The following COL14A1 variants were observed in gnomAD, a reference collection of about 807,000 sequenced individuals.
COL14A1 encodes the protein collagen alpha-1(XIV) chain.
In COL14A1, 136 loss-of-function variants were observed where a neutral mutation model predicts 230.3. The observed-to-expected ratio is 0.59, with a 90% CI of 0.51 to 0.68. COL14A1 has a LOEUF of 0.68. Ranked by LOEUF, COL14A1 falls within the 30% of genes least tolerant of loss-of-function variation. COL14A1 has a pLI of 0.00. For missense variants in COL14A1, 1,976 were observed against 2,215.8 expected, an observed-to-expected ratio of 0.89 and a Z score of 2.17; for synonymous variants, 792 against 784.1, an observed-to-expected ratio of 1.01 and a Z score of -0.17.
At chr8:120,197,983 G>A (rs2130714003) in intron 7 of COL14A1, 53 bp downstream of exon 7, 1 of 1,570,210 alleles carries the variant, frequency 6.4e-7, no homozygotes, top group Non-Finnish European at 8.7e-7. Flanking sequence ...AAGAATAATT[G>A]TATTACCTCA....
intron 5 of COL14A1, among the ~76,000 whole-genome samples, chr8:120,178,447 GT>G (rs1354085240): frequency 6.6e-6 from 1 of 152,166 alleles, no homozygotes; most frequent in Non-Finnish European, 1.5e-5. Context: ...TGGTGTATAT[GT>G]GCCACATTTT....
At chr8:120,201,840 G>T in intron 8 of COL14A1, among the ~76,000 whole-genome samples, 1 of 152,140 alleles carries the variant, frequency 6.6e-6, no homozygotes, top group Non-Finnish European at 1.5e-5. Flanking sequence ...CTCCAAAGTC[G>T]TGATGACCAT....
chr8:120,166,164 A>G (rs1036301694), intron 4 of COL14A1, among the ~76,000 whole-genome samples: 1 of 152,202 alleles, frequency 6.6e-6, no homozygotes, highest in Non-Finnish European at 1.5e-5. Flanking sequence ...AGAGACTGGC[A>G]GAAACTCCTC....
chr8:120,349,415 G>T (rs1338278453), intron 45 of COL14A1, among the ~76,000 whole-genome samples: 2 of 149,044 alleles, frequency 1.3e-5, no homozygotes, highest in African/African-American at 5.0e-5. Flanking sequence ...AGAGAAGAAG[G>T]CTTCAGACGA....
chr8:120,208,973 C>T (rs760390887), intron 11 of COL14A1, among the ~76,000 whole-genome samples: 4 of 152,080 alleles, frequency 2.6e-5, no homozygotes, highest in South Asian at 2.1e-4. Context: ...AGTCACTATG[C>T]AAAATTGCTC....
rs530546480 is a variant in COL14A1 at position 120,168,407 on chromosome 8, A to G, written c.436+160A>G. Among the ~76,000 whole-genome samples, 4 of 152,174 alleles carry G rather than the reference A, an allele frequency of 2.6e-5. No homozygotes were observed. The East Asian group carries it at 7.7e-4, about 29-fold the overall frequency. Reference sequence around the variant, plus strand: ...ACTCTTCCTTCCTTTCCCACACAAGATGACCCCCAACCACTTGGCACGTGA... The same window carrying G: ...ACTCTTCCTTCCTTTCCCACACAAGGTGACCCCCAACCACTTGGCACGTGA... On this transcript the variant is annotated intron_variant, in intron 5 of 47. Transcript: ENST00000297848.
At position 120,278,576 on chromosome 8, in the gene COL14A1, A is replaced by G. The variant is rs202010522; in HGVS notation, c.3479A>G (p.Asp1160Gly). ...VNKISREMQL[D>G]GYSIFAIGVA... ...AAAATCTCCAGGGAGATGCAATTAGATGGTAAGATATATAAACAATAGTGG... is the reference window on the plus strand; with the variant it reads ...AAAATCTCCAGGGAGATGCAATTAGGTGGTAAGATATATAAACAATAGTGG... Residue 1160 changes from aspartate (D) to glycine (G), a missense_variant and splice_region_variant, in exon 28 of 48, where the codon GAT (aspartate) becomes GGT (glycine). This residue lies in a region of COL14A1 where 1,791 missense variants were observed against 2,019.5 expected (regional missense o/e 0.89). Transcript: ENST00000297848. 5.3e-5 allele frequency: 86 copies of G among 1,611,620 alleles called. No individual in the cohort carries two copies. Among genetic ancestry groups the G allele is most frequent in the Middle Eastern group, 1.7e-4 (1 of 6,056 alleles).
At chr8:120,315,733 T>C in intron 39 of COL14A1, 147 bp downstream of exon 39, 1 of 798,170 alleles carries the variant, frequency 1.3e-6, no homozygotes, top group Admixed American at 2.5e-5. Flanking sequence ...CCTAAGCCCC[T>C]TTTGAGAGTC....
chr8:120,260,441 C>T (rs553700457), intron 23 of COL14A1, among the ~76,000 whole-genome samples: 1 of 152,204 alleles, frequency 6.6e-6, no homozygotes, highest in South Asian at 2.1e-4. Flanking sequence ...ATTGTAGATT[C>T]TGTTTATTCT....
At chr8:120,163,585 G>A (rs1815765503) in intron 4 of COL14A1, among the ~76,000 whole-genome samples, 1 of 152,092 alleles carries the variant, frequency 6.6e-6, no homozygotes, top group South Asian at 2.1e-4. Context: ...CCAACATGGA[G>A]AAACCCTGTC....
At chr8:120,320,291 C>T (rs1349047897) in intron 40 of COL14A1, among the ~76,000 whole-genome samples, 8 of 152,172 alleles carry the variant, frequency 5.3e-5, no homozygotes, top group Non-Finnish European at 4.4e-5. Flanking sequence ...CAAGCCTGGA[C>T]ATTTATAATA....
intron 1 of COL14A1, among the ~76,000 whole-genome samples, chr8:120,131,700 A>C (rs1341974707): frequency 6.6e-6 from 1 of 152,000 alleles, no homozygotes; most frequent in Non-Finnish European, 1.5e-5. Context: ...GCTATTCAGA[A>C]GCTCTTTAGT....
chr8:120,224,543 ATCTCCATTCCT>A (rs533899484), intron 14 of COL14A1, among the ~76,000 whole-genome samples: 13 of 152,198 alleles, frequency 8.5e-5, no homozygotes, highest in African/African-American at 2.4e-4. Context: ...TACACCCTTG[ATCTCCATTCCT>A]TGGGATTTCA....
intron 40 of COL14A1, among the ~76,000 whole-genome samples, chr8:120,319,066 T>C (rs1821341327): frequency 6.6e-6 from 1 of 152,186 alleles, no homozygotes; most frequent in South Asian, 2.1e-4. Flanking sequence ...AAGGAGTACA[T>C]GAGTGTGGTG....
chr8:120,307,825 C>G (rs1820899603), intron 36 of COL14A1, among the ~76,000 whole-genome samples: 1 of 152,150 alleles, frequency 6.6e-6, no homozygotes, highest in South Asian at 2.1e-4. Context: ...GATCAATAAA[C>G]TGGCACAGTT....
chr8:120,322,891 A>T (rs1226942224), intron 40 of COL14A1, among the ~76,000 whole-genome samples: 1 of 152,204 alleles, frequency 6.6e-6, no homozygotes, highest in Non-Finnish European at 1.5e-5. Flanking sequence ...ATAATAGAAC[A>T]GTTTATATTC....
chr8:120,152,752 G>A (rs1476572548), intron 2 of COL14A1, among the ~76,000 whole-genome samples: 1 of 151,960 alleles, frequency 6.6e-6, no homozygotes, highest in African/African-American at 2.4e-5. Flanking sequence ...CAGAGTGATG[G>A]GATCCACACT....
At chr8:120,328,829 T>A (rs935419080) in intron 40 of COL14A1, among the ~76,000 whole-genome samples, 3 of 152,320 alleles carry the variant, frequency 2.0e-5, no homozygotes, top group African/African-American at 4.8e-5. Context: ...CTTGCCTCCT[T>A]CTGTGAAAAA....
At chr8:120,273,981 T>C (rs1819758580) in intron 26 of COL14A1, among the ~76,000 whole-genome samples, 1 of 151,850 alleles carries the variant, frequency 6.6e-6, no homozygotes, top group Admixed American at 6.6e-5. Flanking sequence ...AATCTTTTTG[T>C]GAAGCCAGTA....
Sources: allele counts gnomAD v4.1 joint callset (sites outside exome capture counted in the v4.1 genomes callset), GRCh38; gene constraint gnomAD v4.1.1; regional missense constraint gnomAD v4.1.1; transcripts MANE v1.5; gene names NCBI Gene and HGNC (gene_info 2026-07-23, HGNC 2026-07-21).